Variants in SLC8A3 observed in about 807,000 individuals in gnomAD.
SLC8A3 encodes the protein solute carrier family 8 member A3.
A neutral mutation model predicts 65.4 loss-of-function variants in SLC8A3; 37 were observed. The ratio of observed to expected loss-of-function variants is 0.57; its 90% CI spans 0.44 to 0.74. SLC8A3 has a LOEUF of 0.74. Among genes scored for constraint, SLC8A3 ranks in the 30% least tolerant of loss-of-function variants. The pLI is 0.00. For missense variants in SLC8A3, 1,112 were observed against 1,172.1 expected, an observed-to-expected ratio of 0.95 and a Z score of 0.75; for synonymous variants, 461 against 444.5, an observed-to-expected ratio of 1.04 and a Z score of -0.47.
chr14:70,083,295 A>G lies in SLC8A3; in HGVS notation c.1785-22356T>C, dbSNP rs540591563. Among the ~76,000 whole-genome samples, 3 of 152,308 alleles carry G rather than the reference A, an allele frequency of 2.0e-5. No homozygotes were observed. In the South Asian group the frequency reaches 6.2e-4, roughly 32 times the overall value. ...ACAAAATGCTTCCCCATGCATGACC[A>G]TTCAGAGTTTCCCAACCACCCTGCA... On this transcript the variant is annotated intron_variant, in intron 2 of 6. Transcript: ENST00000356921.
Position 70,045,870 on chromosome 14 carries a change from A to C in SLC8A3, c.*77T>G. On this transcript the variant is annotated 3_prime_UTR_variant, in exon 7 of 7. Coordinates refer to ENST00000356921, the MANE Select transcript of SLC8A3 (RefSeq NM_182932.3). ...GCCTCTCCAGGGCAGTGCAGTCGGG[A>C]GAGATCACTGGTGGGGAAGTGCCCT... 200 of 1,359,016 alleles carry C rather than the reference A, an allele frequency of 1.5e-4. No homozygotes were observed. Among genetic ancestry groups the C allele is most frequent in the Middle Eastern group, 2.7e-4 (1 of 3,766 alleles). The allele number at this position is 1,359,016 out of a possible 1,614,324, so 84.2% of individuals were successfully genotyped here. A position where few individuals can be genotyped will look rare whatever the true frequency, so the allele number is the denominator to read the frequency against.
chr14:70,167,009 C>T lies in SLC8A3; in HGVS notation c.1414G>A (p.Asp472Asn), dbSNP rs866963941. The T allele has an allele frequency of 6.8e-6, 11 of 1,613,864 alleles. No individual in the cohort carries two copies. Among genetic ancestry groups the T allele is most frequent in the Admixed American group, 1.7e-5 (1 of 60,008 alleles). ...KEFSVGIIDD[D>N]IFEEDEHFFV... Reference sequence around the variant, plus strand: ...AAGTGTTCATCCTCCTCAAAAATGTCGTCATCAATTATGCCCACGGAGAAC... The same window carrying T: ...AAGTGTTCATCCTCCTCAAAAATGTTGTCATCAATTATGCCCACGGAGAAC... The change falls in exon 2 of 7, where the codon GAC becomes AAC. Residue 472 changes from aspartate (D) to asparagine (N), a missense_variant. Physicochemically the swap from Asp to Asn is conservative, Grantham distance 23. Coordinates refer to ENST00000356921, the MANE Select transcript of SLC8A3 (RefSeq NM_182932.3).
intron 2 of SLC8A3, among the ~76,000 whole-genome samples, chr14:70,121,458 T>C (rs997392310): frequency 6.6e-6 from 1 of 152,224 alleles, no homozygotes; most frequent in African/African-American, 2.4e-5. Context: ...TCGTCAAGTC[T>C]AACGTCCACA....
intron 2 of SLC8A3, among the ~76,000 whole-genome samples, chr14:70,118,819 C>T (rs970491059): frequency 6.6e-6 from 1 of 152,150 alleles, no homozygotes; most frequent in African/African-American, 2.4e-5. Context: ...AGAAAGAACA[C>T]AAGCAGTTGT....
intron 2 of SLC8A3, among the ~76,000 whole-genome samples, chr14:70,072,858 G>A (rs759607975): frequency 3.3e-5 from 5 of 152,068 alleles, no homozygotes; most frequent in African/African-American, 4.8e-5. Context: ...ATGTTGGCCC[G>A]GCTAGTCTCA....
At chr14:70,070,164 T>A (rs1205429613) in intron 2 of SLC8A3, among the ~76,000 whole-genome samples, 1 of 152,202 alleles carries the variant, frequency 6.6e-6, no homozygotes, top group South Asian at 2.1e-4. Flanking sequence ...ACTAGGATGA[T>A]GAGAGATCTA....
chr14:70,090,996 C>T (rs1891765933), intron 2 of SLC8A3, among the ~76,000 whole-genome samples: 1 of 152,276 alleles, frequency 6.6e-6, no homozygotes, highest in South Asian at 2.1e-4. Context: ...CATGGAGTGC[C>T]AGTTGACAAC....
intron 2 of SLC8A3, among the ~76,000 whole-genome samples, chr14:70,101,845 G>A: frequency 6.6e-6 from 1 of 152,184 alleles, no homozygotes; most frequent in East Asian, 1.9e-4. Context: ...TCCTATTGTG[G>A]AGCAGGAAGA....
intron 3 of SLC8A3, among the ~76,000 whole-genome samples, chr14:70,059,625 C>T (rs150015051): frequency 1.6e-3 from 236 of 152,204 alleles, no homozygotes; most frequent in Non-Finnish European, 2.7e-3. Context: ...AGGGATGAGC[C>T]CCTGGCAGGT....
chr14:70,090,049 T>G (rs1891705264), intron 2 of SLC8A3, among the ~76,000 whole-genome samples: 1 of 150,910 alleles, frequency 6.6e-6, no homozygotes, highest in Non-Finnish European at 1.5e-5. Flanking sequence ...GTCTTTTTTT[T>G]TAACATATTT....
At chr14:70,115,062 T>C (rs1014000753) in intron 2 of SLC8A3, among the ~76,000 whole-genome samples, 14 of 152,046 alleles carry the variant, frequency 9.2e-5, no homozygotes, top group African/African-American at 3.4e-4. Flanking sequence ...ATTCTGAAAA[T>C]GGTAGTGCTC....
At chr14:70,185,245 G>A (rs1883100829) in intron 1 of SLC8A3, among the ~76,000 whole-genome samples, 1 of 152,192 alleles carries the variant, frequency 6.6e-6, no homozygotes, top group East Asian at 1.9e-4. Context: ...GGGATTACAG[G>A]CGTGAGCCAC....
chr14:70,060,931 A>G lies in SLC8A3; in HGVS notation c.1793T>C (p.Ile598Thr), dbSNP rs1594910038. Residue 598 changes from isoleucine to threonine, a missense_variant, in exon 3 of 7, where the codon ATA becomes ACA. Coordinates refer to ENST00000356921, the MANE Select transcript of SLC8A3 (RefSeq NM_182932.3). Reference sequence around the variant, plus strand: ...CTCCTCATCTACTATTTTAACCCTTATGGTTTTCCTGTAGGGACAACAAGA... The same window carrying G: ...CTCCTCATCTACTATTTTAACCCTTGTGGTTTTCCTGTAGGGACAACAAGA... Reference protein sequence around the residue: ...EFKNDETVKTIRVKIVDEEEY... With the variant: ...EFKNDETVKTTRVKIVDEEEY... 1.4e-6 allele frequency: 2 copies of G among 1,469,430 alleles called. No individual in the cohort carries two copies. The highest frequency in any genetic ancestry group is 1.4e-5 in the South Asian group (1 of 72,004). The allele number at this position is 1,469,430 out of a possible 1,614,324, so 91.0% of individuals were successfully genotyped here.
intron 3 of SLC8A3, among the ~76,000 whole-genome samples, chr14:70,055,576 G>A (rs997471998): frequency 2.6e-5 from 4 of 152,038 alleles, no homozygotes; most frequent in African/African-American, 4.8e-5. Flanking sequence ...CTTAACCCAC[G>A]TCCCCAGACA....
Position 70,090,058 on chromosome 14 carries a change from T to A in SLC8A3, c.1785-29119A>T, listed in dbSNP as rs545546517. 5.3e-5 allele frequency among the ~76,000 whole-genome samples: 8 copies of A among 152,292 alleles called. No individual in the cohort carries two copies. The East Asian group carries it at 1.5e-3, about 29-fold the overall frequency. On this transcript the variant is annotated intron_variant, in intron 2 of 6. Coordinates refer to ENST00000356921, the MANE Select transcript of SLC8A3 (RefSeq NM_182932.3). ...CTTTCTGTCTTTTTTTTTAACATAT[T>A]TTGCTAACTGCAGCCATTAATTACC... is the stretch of plus-strand genomic sequence containing the variant.
intron 1 of SLC8A3, among the ~76,000 whole-genome samples, chr14:70,187,659 T>G (rs1883430774): frequency 3.8e-5 from 5 of 132,712 alleles, no homozygotes; most frequent in African/African-American, 2.8e-5. Flanking sequence ...GCGTGTGTGT[T>G]GGGGGATCGG....
At chr14:70,052,173 A>G in intron 3 of SLC8A3, 59 bp from the exon 4 acceptor site, 1 of 1,533,398 alleles carries the variant, frequency 6.5e-7, no homozygotes, top group South Asian at 1.3e-5. Flanking sequence ...GGAAGGATAC[A>G]GCTCAGAGTA....
chr14:70,149,064 C>T (rs1000616129), intron 2 of SLC8A3, among the ~76,000 whole-genome samples: 1 of 152,108 alleles, frequency 6.6e-6, no homozygotes, highest in Admixed American at 6.6e-5. Context: ...TGGGGTTGCA[C>T]CATTGCAGGC....
chr14:70,060,222 C>T (rs1314917239), intron 3 of SLC8A3: 2 of 177,384 alleles, frequency 1.1e-5, no homozygotes, highest in Non-Finnish European at 2.4e-5. Flanking sequence ...TGGGCCACTC[C>T]ACAAGTGAAT....
Sources: gnomAD v4.1 joint callset for allele counts (sites outside exome capture counted in the v4.1 genomes callset) on GRCh38, gnomAD v4.1.1 for gene constraint, MANE v1.5 for transcripts, NCBI Gene and HGNC (gene_info 2026-07-23, HGNC 2026-07-21) for gene names.